HSD11B1: variants seen among roughly 807,000 people sequenced by gnomAD.
HSD11B1 encodes the protein hydroxysteroid 11-beta dehydrogenase 1, also known as 11-beta-hydroxysteroid dehydrogenase 1.
HSD11B1 carries 15 observed loss-of-function variants against 22.1 expected under a neutral mutation model. The observed-to-expected ratio is 0.68, with a 90% CI of 0.45 to 1.04. HSD11B1 has a LOEUF of 1.04. HSD11B1 is among the 50% of genes least tolerant of loss of function. The pLI, the probability that HSD11B1 is intolerant of heterozygous loss-of-function variation, is 0.00. For missense variants in HSD11B1, 281 were observed against 357.6 expected, an observed-to-expected ratio of 0.79 and a Z score of 1.73; for synonymous variants, 122 against 125.2, an observed-to-expected ratio of 0.97 and a Z score of 0.17.
chr1:209,691,122 C>T (rs896459226), intron 1 of HSD11B1, among the ~76,000 whole-genome samples: 5 of 152,152 alleles, frequency 3.3e-5, no homozygotes, highest in African/African-American at 9.7e-5. Flanking sequence ...AGCAGTTGGA[C>T]CTCTCAGTGT....
In HSD11B1 at chr1:209,704,999, C is replaced by G; in HGVS notation, c.57C>G (p.Tyr19Ter). 1 of 1,613,856 alleles carries G rather than the reference C, an allele frequency of 6.2e-7. No individual in the cohort carries two copies. The highest frequency in any genetic ancestry group is 8.5e-7 in the Non-Finnish European group (1 of 1,179,788). The change falls in exon 1 of 6, where the codon TAC (tyrosine) becomes TAG (stop). Residue 19 changes from tyrosine (Y) to a stop codon, truncating the protein, a stop_gained. Coordinates refer to ENST00000367027, the MANE Select transcript of HSD11B1 (RefSeq NM_005525.4). LOFTEE classifies it high-confidence loss of function. ...LPILGLFMAY[Y>*]YYSANEEFRP... The stretch of plus-strand genomic sequence containing the variant: ...TTCTGGGGCTCTTCATGGCCTACTA[C>G]TACTATTCTGCAAACGAGGAATTCA...
At chr1:209,722,804 T>G (rs2076974666) in intron 4 of HSD11B1, among the ~76,000 whole-genome samples, 1 of 152,192 alleles carries the variant, frequency 6.6e-6, no homozygotes, top group African/African-American at 2.4e-5. Flanking sequence ...CAGGCAGGAA[T>G]GAAGTTTTTC....
chr1:209,731,009 C>T (rs914592280), intron 4 of HSD11B1, among the ~76,000 whole-genome samples: 1 of 152,158 alleles, frequency 6.6e-6, no homozygotes, highest in Non-Finnish European at 1.5e-5. Context: ...TAAGGGCAAC[C>T]CCAATCAGTG....
At chr1:209,709,677 A>T (rs1225812383) in intron 4 of HSD11B1, among the ~76,000 whole-genome samples, 1 of 152,166 alleles carries the variant, frequency 6.6e-6, no homozygotes, top group East Asian at 1.9e-4. Flanking sequence ...AAGATGGCTC[A>T]TTGGCATGTC....
Position 209,709,881 on chromosome 1 carries a change from C to T in HSD11B1, c.517+2753C>T, listed in dbSNP as rs80019338. On this transcript the variant is annotated intron_variant, in intron 4 of 5. Transcript: ENST00000367027. ...AGCAATCTCTCCCACATCACCCATG[C>T]TAAAAAACACATAAGACTAGAAAAA... is the stretch of plus-strand genomic sequence containing the variant. 6.1e-3 allele frequency among the ~76,000 whole-genome samples: 927 copies of T among 151,456 alleles called. 12 individuals are homozygous for T. Among genetic ancestry groups the T allele is most frequent in the African/African-American group, 0.021 (886 of 41,272 alleles).
At chr1:209,705,103 C>T in intron 1 of HSD11B1, 73 bp downstream of exon 1, 4 of 1,150,118 alleles carry the variant, frequency 3.5e-6, no homozygotes, top group Non-Finnish European at 4.0e-6. Flanking sequence ...TTCCTGAGGA[C>T]CAAGATGTGT....
At chr1:209,695,437 G>A (rs1360593165) in intron 1 of HSD11B1, among the ~76,000 whole-genome samples, 1 of 152,174 alleles carries the variant, frequency 6.6e-6, no homozygotes, top group East Asian at 1.9e-4. Context: ...GGATGGTGAA[G>A]CCATTGATTG....
Position 209,691,463 on chromosome 1 carries a change from A to G in HSD11B1, c.-49+5178A>G, listed in dbSNP as rs554365769. On this transcript the variant is annotated intron_variant, in intron 1 of 6. Coordinates refer to the HSD11B1 transcript ENST00000261465. ...AGGAAAGTCCCCAGATTCAGGGAAC[A>G]GGAGGACTAAAGTCTTCAGTAAAAT... 1.5e-3 allele frequency among the ~76,000 whole-genome samples: 222 copies of G among 152,380 alleles called. 2 individuals carry two copies. The highest frequency in any genetic ancestry group is 2.8e-3 in the Non-Finnish European group (190 of 68,032).
chr1:209,698,834 G>A (rs923201186), intron 1 of HSD11B1, among the ~76,000 whole-genome samples: 2 of 152,106 alleles, frequency 1.3e-5, no homozygotes, highest in South Asian at 2.1e-4. Context: ...TCGTGACCTC[G>A]TGAGGGTCTC....
intron 1 of HSD11B1, among the ~76,000 whole-genome samples, chr1:209,689,499 G>A (rs1035128711): frequency 6.6e-6 from 1 of 152,210 alleles, no homozygotes; most frequent in Non-Finnish European, 1.5e-5. Flanking sequence ...GTTGCATGTT[G>A]AAATTTAATC....
At chr1:209,727,965 C>T (rs370218785) in intron 4 of HSD11B1, among the ~76,000 whole-genome samples, 7 of 152,280 alleles carry the variant, frequency 4.6e-5, no homozygotes, top group South Asian at 4.1e-4. Context: ...AGAGAGACCA[C>T]GATGTGTGTT....
intron 4 of HSD11B1, among the ~76,000 whole-genome samples, chr1:209,709,196 T>C (rs187570293): frequency 6.6e-6 from 1 of 152,354 alleles, no homozygotes; most frequent in Admixed American, 6.5e-5. Context: ...TTAAGTTGTT[T>C]ATTGAGTTTC....
At chr1:209,703,919 A>G (rs951719680), upstream of HSD11B1, among the ~76,000 whole-genome samples, 2 of 152,230 alleles carry the variant, frequency 1.3e-5, no homozygotes, top group African/African-American at 4.8e-5. Context: ...AATTCGTGCT[A>G]CGGACATACT....
chr1:209,734,457 G>A lies in HSD11B1; in HGVS notation c.815G>A (p.Cys272Tyr). ...ACCACTCTTCTGATCAGAAATCCAT[G>A]CAGGAAGATCCTGGAATTTCTCTAC... ...LWTTLLIRNP[C>Y]RKILEFLYST... The change falls in exon 6 of 6, where the codon TGC becomes TAC. Residue 272 changes from cysteine to tyrosine, a missense_variant. By Grantham distance (194) the Cys-to-Tyr change is radical. Transcript: ENST00000367027. 1 of 1,614,116 alleles carries A rather than the reference G, an allele frequency of 6.2e-7. No individual in the cohort carries two copies. The highest frequency in any genetic ancestry group is 8.5e-7 in the Non-Finnish European group (1 of 1,179,984).
At chr1:209,695,358 C>T (rs918685773) in intron 1 of HSD11B1, among the ~76,000 whole-genome samples, 6 of 152,062 alleles carry the variant, frequency 3.9e-5, no homozygotes, top group African/African-American at 1.5e-4. Flanking sequence ...ATCGACTGTA[C>T]TTGGTGATTA....
At chr1:209,716,197 CA>C (rs536242236) in intron 4 of HSD11B1, among the ~76,000 whole-genome samples, 211 of 151,782 alleles carry the variant, frequency 1.4e-3, no homozygotes, top group Non-Finnish European at 2.0e-3. Flanking sequence ...AAACGCTCCA[CA>C]AAAAAACTCT....
chr1:209,696,385 TG>T (rs2076791686), intron 1 of HSD11B1, among the ~76,000 whole-genome samples: 1 of 152,218 alleles, frequency 6.6e-6, no homozygotes, highest in Non-Finnish European at 1.5e-5. Flanking sequence ...AAAATAATCA[TG>T]TCAGTTTCAG....
At chr1:209,713,285 A>T (rs1180566943) in intron 4 of HSD11B1, among the ~76,000 whole-genome samples, 1 of 152,196 alleles carries the variant, frequency 6.6e-6, no homozygotes, top group Non-Finnish European at 1.5e-5. Flanking sequence ...CTCTGGAAGG[A>T]CATTTTCCAA....
At chr1:209,707,219 C>A in intron 4 of HSD11B1, 91 bp downstream of exon 4, 1 of 1,089,896 alleles carries the variant, frequency 9.2e-7, no homozygotes, top group Non-Finnish European at 1.4e-6. Flanking sequence ...AAATTTTTAT[C>A]AGTTTCCATG....
Sources: gnomAD v4.1 joint callset for allele counts (sites outside exome capture counted in the v4.1 genomes callset) on GRCh38, gnomAD v4.1.1 for gene constraint, MANE v1.5 for transcripts, NCBI Gene and HGNC (gene_info 2026-07-23, HGNC 2026-07-21) for gene names.